Variants in RAB29 observed in about 807,000 individuals in gnomAD.
RAB29 encodes RAB29, member RAS oncogene family.
A neutral mutation model predicts 25.5 loss-of-function variants in RAB29; 13 were observed. The observed-to-expected ratio is 0.51, with a 90% confidence interval of 0.33 to 0.81. RAB29 has a LOEUF of 0.81. Ranked by LOEUF, RAB29 falls within the 30% of genes least tolerant of loss-of-function variation. The pLI is 0.02. For synonymous variants in RAB29, 88 were observed against 95.0 expected (o/e 0.93, Z 0.43); for missense variants, 201 against 254.9 (o/e 0.79, Z 1.44).
chr1:205,771,776 G>T, intron 3 of RAB29, 123 bp from the exon 4 acceptor site: 1 of 987,210 alleles, frequency 1.0e-6, no homozygotes, highest in South Asian at 1.3e-5. Context: ...CTGACTCTTG[G>T]TTTTCTATCC....
At chr1:205,774,217 G>A (rs539354434) in intron 2 of RAB29, among the ~76,000 whole-genome samples, 1 of 152,284 alleles carries the variant, frequency 6.6e-6, no homozygotes, top group South Asian at 2.1e-4. Flanking sequence ...AGCAATCAAC[G>A]GACAAAAACA....
intron 2 of RAB29, 29 bp downstream of exon 2, chr1:205,774,799 CCCCCT>C: frequency 1.3e-5 from 9 of 680,956 alleles, no homozygotes; most frequent in Non-Finnish European, 2.1e-5. Context: ...GCCTCCTCCT[CCCCCT>C]CCCCCTCCCC....
intron 5 of RAB29, 109 bp downstream of exon 5, chr1:205,770,624 T>C: frequency 1.3e-6 from 2 of 1,543,612 alleles, no homozygotes; most frequent in Non-Finnish European, 1.8e-6. Context: ...GGGGCTAGCA[T>C]TCCAATGGCT....
At position 205,772,425 on chromosome 1, in the gene RAB29, A is replaced by AT. The variant is rs756490566; in HGVS notation, c.196+70dup. 616 of 1,506,870 alleles carry AT rather than the reference A, an allele frequency of 4.1e-4. 1 individual carries two copies. The highest frequency in any genetic ancestry group is 3.9e-4 in the Non-Finnish European group (418 of 1,083,074). 93.3% of individuals were successfully genotyped at this position (1,506,870 alleles called of 1,614,324 possible). A position where few individuals can be genotyped will look rare whatever the true frequency, so the allele number is the denominator to read the frequency against. ...AAACAATTTCTGGCTTTGCTGCCCC[A>AT]TTTTTTCCTCAGAGCTTTCTAGTTA... On this transcript the variant is annotated intron_variant, in intron 3 of 5. Coordinates refer to ENST00000367139, the MANE Select transcript of RAB29 (RefSeq NM_003929.3).
intron 2 of RAB29, 38 bp downstream of exon 2, chr1:205,774,795 T>TGC: frequency 5.8e-6 from 5 of 860,522 alleles, no homozygotes; most frequent in Non-Finnish European, 9.2e-6. Context: ...CGGGGCCTCC[T>TGC]CCTCCCCCTC....
chr1:205,772,917 T>C (rs1655099749), intron 2 of RAB29, among the ~76,000 whole-genome samples: 1 of 148,814 alleles, frequency 6.7e-6, no homozygotes, highest in Non-Finnish European at 1.5e-5. Flanking sequence ...AGGGAAGGGG[T>C]GATGGGGGAG....
Position 205,770,330 on chromosome 1 carries a change from A to G in RAB29, c.*12T>C, listed in dbSNP as rs762306986. ...CCTCCCAGAACTGGGATGGAAAATA[A>G]GCCAAACACTACTAGCAGCAGGACC... On this transcript the variant is annotated 3_prime_UTR_variant, in exon 6 of 6. Transcript: ENST00000367139. 9 of 1,607,284 alleles carry G rather than the reference A, an allele frequency of 5.6e-6. No individual in the cohort carries two copies. The South Asian group carries it at 9.9e-5, about 18-fold the overall frequency.
Position 205,769,256 on chromosome 1 carries a change from GA to G in RAB29, c.*1085del, listed in dbSNP as rs1654867502. 1 of 152,146 alleles carries G rather than the reference GA, an allele frequency of 6.6e-6. No individual in the cohort carries two copies. The highest frequency in any genetic ancestry group is 1.5e-5 in the Non-Finnish European group (1 of 68,042). 9.4% of individuals were successfully genotyped at this position (152,146 alleles called of 1,614,324 possible). A position where few individuals can be genotyped will look rare whatever the true frequency, so the allele number is the denominator to read the frequency against. The stretch of plus-strand genomic sequence containing the variant: ...CAGATTCCCAAAGCTGTGAGGAGCA[GA>G]CCTATTTCGAAGCATCACAGCCAGC... On this transcript the variant is annotated 3_prime_UTR_variant, in exon 6 of 6. Transcript: ENST00000367139.
In RAB29 at chr1:205,768,636, C is replaced by T. The variant is rs823132; in HGVS notation, c.*1706G>A. On this transcript the variant is annotated 3_prime_UTR_variant, in exon 6 of 6. Transcript: ENST00000367139. ...GCAACCTCTAACTCCCAGGTTCAAGCGATTCTCCTGCCTCAGTCTCCCAAG... is the reference window on the plus strand; with the variant it reads ...GCAACCTCTAACTCCCAGGTTCAAGTGATTCTCCTGCCTCAGTCTCCCAAG... The T allele has an allele frequency of 0.88, 132,795 of 151,546 alleles. 59,287 individuals carry two copies. The highest frequency in any genetic ancestry group is 0.97 in the Non-Finnish European group (65,654 of 67,918). 9.4% of individuals were successfully genotyped at this position (151,546 alleles called of 1,614,324 possible). A position where few individuals can be genotyped will look rare whatever the true frequency, so the allele number is the denominator to read the frequency against.
In RAB29 at chr1:205,769,756, G is replaced by C. The variant is rs1317485241; in HGVS notation, c.*586C>G. ...AAAACTTGACTATTCTTGATGCCAA[G>C]ACAAGAGAAACTTAATTATGACGTT... On this transcript the variant is annotated 3_prime_UTR_variant, in exon 6 of 6. Transcript: ENST00000367139. 1 of 154,494 alleles carries C rather than the reference G, an allele frequency of 6.5e-6. No homozygotes were observed. Among genetic ancestry groups the C allele is most frequent in the Non-Finnish European group, 1.4e-5 (1 of 69,766 alleles). The allele number at this position is 154,494 out of a possible 1,614,324, so 9.6% of individuals were successfully genotyped here.
chr1:205,772,446 A>T, intron 3 of RAB29, 50 bp downstream of exon 3: 1 of 1,563,226 alleles, frequency 6.4e-7, no homozygotes, highest in Non-Finnish European at 8.8e-7. Flanking sequence ...AGAGCTTTCT[A>T]GTTAAATCAA....
chr1:205,775,065 T>G lies in RAB29; in HGVS notation c.-109A>C, dbSNP rs1655248361. 1.0e-5 allele frequency: 14 copies of G among 1,401,880 alleles called. No homozygotes were observed. In the East Asian group the frequency reaches 3.3e-4, roughly 33 times the overall value. The allele number at this position is 1,401,880 out of a possible 1,614,324, so 86.8% of individuals were successfully genotyped here. On this transcript the variant is annotated 5_prime_UTR_variant, in exon 2 of 6. Transcript: ENST00000367139. ...CCCTCTTCAAACTGAAGTGAGGCAT[T>G]CCCACCCACCGCCTGTCTGGGCTGC...
chr1:205,770,865 G>A lies in RAB29; in HGVS notation c.379-11C>T. The A allele has an allele frequency of 6.2e-7, 1 of 1,613,694 alleles. No individual in the cohort carries two copies. Among genetic ancestry groups the A allele is most frequent in the South Asian group, 1.1e-5 (1 of 91,058 alleles). On this transcript the variant is annotated splice_polypyrimidine_tract_variant and intron_variant, in intron 4 of 5. Coordinates refer to ENST00000367139, the MANE Select transcript of RAB29 (RefSeq NM_003929.3). ...AGGGGACAGATCACACTAGCAAAGA[G>A]AAAAAATAAAAGGCAGTATCATAAA...
chr1:205,771,122 C>T (rs1654974538), intron 4 of RAB29: 2 of 467,268 alleles, frequency 4.3e-6, no homozygotes, highest in Non-Finnish European at 7.7e-6. Flanking sequence ...CACAATGAAA[C>T]CCAGTCTCTA....
At chr1:205,774,387 C>A (rs969719934) in intron 2 of RAB29, among the ~76,000 whole-genome samples, 17 of 152,172 alleles carry the variant, frequency 1.1e-4, no homozygotes, top group African/African-American at 3.9e-4. Flanking sequence ...AAACACCTTG[C>A]GGTTCCTCCC....
chr1:205,770,925 C>T (rs1654963380), intron 4 of RAB29, 71 bp from the exon 5 acceptor site: 3 of 1,560,226 alleles, frequency 1.9e-6, no homozygotes, highest in South Asian at 1.1e-5. Flanking sequence ...GGCTCAGATA[C>T]TGTGGATTTT....
intron 3 of RAB29, among the ~76,000 whole-genome samples, chr1:205,771,997 G>A (rs1655053447): frequency 6.7e-6 from 1 of 149,808 alleles, no homozygotes; most frequent in Admixed American, 6.6e-5. Flanking sequence ...TGCCCAGGCT[G>A]GAGTGCAGTG....
Position 205,770,101 on chromosome 1 carries a change from A to C in RAB29, c.*241T>G. 3.6e-6 allele frequency: 2 copies of C among 554,450 alleles called. No individual in the cohort carries two copies. Among genetic ancestry groups the C allele is most frequent in the African/African-American group, 3.8e-5 (2 of 53,174 alleles). 34.3% of individuals were successfully genotyped at this position (554,450 alleles called of 1,614,324 possible). A position where few individuals can be genotyped will look rare whatever the true frequency, so the allele number is the denominator to read the frequency against. On this transcript the variant is annotated 3_prime_UTR_variant, in exon 6 of 6. Transcript: ENST00000367139. ...TCACAAATTGAGGGCTGATGAGAAG[A>C]TCTTACACCGAAGGCACTAACTGGC...
chr1:205,770,616 G>A lies in RAB29; in HGVS notation c.500+117C>T. ...AAAGACAGTATCCCTGACCTTTAGG[G>A]GCTAGCATTCCAATGGCTCAGTCTG... On this transcript the variant is annotated intron_variant, in intron 5 of 5. Coordinates refer to ENST00000367139, the MANE Select transcript of RAB29 (RefSeq NM_003929.3). The A allele has an allele frequency of 2.0e-6, 3 of 1,519,478 alleles. No individual in the cohort carries two copies. The South Asian group carries it at 3.5e-5, about 18-fold the overall frequency. The allele number at this position is 1,519,478 out of a possible 1,614,324, so 94.1% of individuals were successfully genotyped here.
Sources: allele counts gnomAD v4.1 joint callset (sites outside exome capture counted in the v4.1 genomes callset), GRCh38; gene constraint gnomAD v4.1.1; transcripts MANE v1.5; gene names NCBI Gene and HGNC (gene_info 2026-07-23, HGNC 2026-07-21).